Variants in GTF2H3 observed in about 807,000 individuals in gnomAD.
GTF2H3 encodes TFIIH basal transcription factor complex p34 subunit.
A neutral mutation model predicts 51.1 loss-of-function variants in GTF2H3; 42 were observed. The observed-to-expected ratio is 0.82, with a 90% CI of 0.64 to 1.06. The LOEUF (loss-of-function observed/expected upper bound fraction) is 1.06, where lower values mean the gene tolerates loss of function less well. Ranked by LOEUF, GTF2H3 falls within the 50% of genes least tolerant of loss-of-function variation. The probability of loss-of-function intolerance (pLI) is 0.00; values close to 1 mark genes in which losing one functional copy is unlikely to be tolerated. For synonymous variants in GTF2H3, 123 were observed against 123.8 expected (o/e 0.99, Z 0.04); for missense variants, 326 against 366.1 (o/e 0.89, Z 0.89).
At chr12:123,656,559 C>A (rs1202666641) in intron 9 of GTF2H3, among the ~76,000 whole-genome samples, 1 of 152,180 alleles carries the variant, frequency 6.6e-6, no homozygotes, top group Non-Finnish European at 1.5e-5. Flanking sequence ...CTTGCAGAAT[C>A]AGCCGTGTAC....
intron 3 of GTF2H3, among the ~76,000 whole-genome samples, chr12:123,647,171 A>C (rs75902313): frequency 1.3e-5 from 2 of 148,428 alleles, no homozygotes; most frequent in African/African-American, 5.0e-5. Flanking sequence ...AAAAAAAAAA[A>C]AGTCACGAAG....
intron 3 of GTF2H3, among the ~76,000 whole-genome samples, chr12:123,647,402 G>T (rs113572747): frequency 0.01 from 1,594 of 151,946 alleles, 29 homozygotes; most frequent in African/African-American, 0.036. Context: ...AGCCCGGGAG[G>T]TGGAAGTTGC....
Position 123,645,435 on chromosome 12 carries a change from T to A in GTF2H3, c.94-20T>A. 4 of 1,311,014 alleles carry A rather than the reference T, an allele frequency of 3.1e-6. No homozygotes were observed. The highest frequency in any genetic ancestry group is 4.4e-6 in the Non-Finnish European group (4 of 905,252). 81.2% of individuals were successfully genotyped at this position (1,311,014 alleles called of 1,614,324 possible). On this transcript the variant is annotated intron_variant, in intron 2 of 12. Transcript: ENST00000543341. ...TTGGATAGCTAATTTGTTTTTCTAATGTCTTTTTTTTTCCAACAGTTCACT... is the reference window on the plus strand; with the variant it reads ...TTGGATAGCTAATTTGTTTTTCTAAAGTCTTTTTTTTTCCAACAGTTCACT...
chr12:123,658,374 CGCCCAGCTAA>C (rs1955612753), intron 9 of GTF2H3, among the ~76,000 whole-genome samples: 1 of 152,172 alleles, frequency 6.6e-6, no homozygotes, highest in East Asian at 1.9e-4. Flanking sequence ...CCCGCCACTA[CGCCCAGCTAA>C]TTTTTGTATT....
chr12:123,648,261 A>C (rs1955476548), intron 4 of GTF2H3, 135 bp downstream of exon 4: 1 of 602,242 alleles, frequency 1.7e-6, no homozygotes, highest in African/African-American at 1.9e-5. Flanking sequence ...ATTTTCGTCA[A>C]AGTTGGTTCA....
Position 123,645,501 on chromosome 12 carries a change from C to T in GTF2H3, c.140C>T (p.Ser47Leu), listed in dbSNP as rs769858898. The T allele has an allele frequency of 8.7e-6, 14 of 1,609,776 alleles. No homozygotes were observed. Among genetic ancestry groups the T allele is most frequent in the Middle Eastern group, 1.7e-4 (1 of 6,048 alleles). ...CIDAVMVLGN[S>L]HLFMNRSNKL... ...GATGCCGTGATGGTGCTGGGAAATT[C>T]GCATTTATTCATGAATCGTTCCAAC... is the stretch of plus-strand genomic sequence containing the variant. The change falls in exon 3 of 13, where the codon TCG (serine) becomes TTG (leucine). Residue 47 changes from serine to leucine, a missense_variant. Coordinates refer to ENST00000543341, the MANE Select transcript of GTF2H3 (RefSeq NM_001516.5).
intron 9 of GTF2H3, 117 bp downstream of exon 9, chr12:123,655,941 G>T: frequency 3.1e-6 from 2 of 640,026 alleles, no homozygotes; most frequent in African/African-American, 1.9e-5. Context: ...ATGTTATTCA[G>T]CCTAATTTTA....
intron 3 of GTF2H3, 36 bp from the exon 4 acceptor site, chr12:123,647,927 C>T (rs773908995): frequency 1.3e-6 from 2 of 1,572,356 alleles, no homozygotes; most frequent in South Asian, 1.2e-5. Flanking sequence ...GGCGGTGAGG[C>T]CTGGTGTAAC....
At chr12:123,652,662 T>C (rs756539205) in intron 6 of GTF2H3, 45 bp from the exon 7 acceptor site, 1 of 1,535,788 alleles carries the variant, frequency 6.5e-7, no homozygotes, top group South Asian at 1.2e-5. Flanking sequence ...CATATATGAT[T>C]AGTAAGATTT....
intron 5 of GTF2H3, 73 bp from the exon 6 acceptor site, chr12:123,652,459 T>G: frequency 1.2e-6 from 1 of 860,804 alleles, no homozygotes; most frequent in South Asian, 1.6e-5. Flanking sequence ...AATTGGAGGT[T>G]ATTTTTCTTT....
At chr12:123,652,136 T>C (rs1159033528) in intron 5 of GTF2H3, among the ~76,000 whole-genome samples, 1 of 152,202 alleles carries the variant, frequency 6.6e-6, no homozygotes, top group Non-Finnish European at 1.5e-5. Context: ...TTTCTCAGTC[T>C]TATGGCATTA....
At chr12:123,644,268 A>G (rs1370223098) in intron 2 of GTF2H3, among the ~76,000 whole-genome samples, 4 of 152,092 alleles carry the variant, frequency 2.6e-5, no homozygotes, top group Non-Finnish European at 5.9e-5. Flanking sequence ...TGAACATATG[A>G]GTACCAAAAA....
intron 2 of GTF2H3, among the ~76,000 whole-genome samples, chr12:123,642,263 C>T (rs924040846): frequency 1.3e-5 from 2 of 151,714 alleles, no homozygotes; most frequent in African/African-American, 4.8e-5. Flanking sequence ...CTCTCTCTCC[C>T]GAGTTCAAGC....
In GTF2H3 at chr12:123,641,527, G is replaced by GTTTTTTT. The variant is rs112546170; in HGVS notation, c.93+2189_93+2195dup. On this transcript the variant is annotated intron_variant, in intron 2 of 12. Transcript: ENST00000543341. ...AGGCATGAGCCACGTGTCTGCCCCC[G>GTTTTTTT]TTTTTTTTTTTGTGTGTTTTTTTTT... 4.7e-5 allele frequency among the ~76,000 whole-genome samples: 6 copies of GTTTTTTT among 128,544 alleles called. 1 individual carries two copies. Among genetic ancestry groups the GTTTTTTT allele is most frequent in the African/African-American group, 1.7e-4 (5 of 29,326 alleles). 84.3% of individuals were successfully genotyped at this position (128,544 alleles called of 152,430 possible). A position where few individuals can be genotyped will look rare whatever the true frequency, so the allele number is the denominator to read the frequency against.
chr12:123,660,431 C>T lies in GTF2H3; in HGVS notation c.*196C>T, dbSNP rs1281746766. ...ATTTGTTTGAGGGAATCATTCTATG[C>T]ATTATATCCTAAAATATTCTATGAC... is the stretch of plus-strand genomic sequence containing the variant. On this transcript the variant is annotated 3_prime_UTR_variant, in exon 13 of 13. Coordinates refer to ENST00000543341, the MANE Select transcript of GTF2H3 (RefSeq NM_001516.5). The T allele has an allele frequency of 1.3e-5, 6 of 478,368 alleles. No individual in the cohort carries two copies. Among genetic ancestry groups the T allele is most frequent in the Non-Finnish European group, 2.2e-5 (6 of 272,168 alleles). The allele number at this position is 478,368 out of a possible 1,614,324, so 29.6% of individuals were successfully genotyped here. A position where few individuals can be genotyped will look rare whatever the true frequency, so the allele number is the denominator to read the frequency against.
intron 2 of GTF2H3, chr12:123,639,894 C>T (rs1593794406): frequency 2.4e-6 from 1 of 419,286 alleles, no homozygotes; most frequent in Non-Finnish European, 4.7e-6. Context: ...TGTATGCGTG[C>T]GTGCGTGTAT....
rs974166537 is a variant in GTF2H3, at chr12:123,634,819, A to C, written c.13+947A>C. ...TGAGATCAGAGAACCAGCCAGTTTC[A>C]GGTCATGCAGGGCCTTATTGGCCGT... On this transcript the variant is annotated intron_variant, in intron 1 of 12. Transcript: ENST00000543341. 1.6e-4 allele frequency among the ~76,000 whole-genome samples: 25 copies of C among 152,228 alleles called. 1 individual carries two copies. Among genetic ancestry groups the C allele is most frequent in the East Asian group, 1.9e-4 (1 of 5,200 alleles).
intron 2 of GTF2H3, among the ~76,000 whole-genome samples, chr12:123,642,651 T>C (rs945256846): frequency 2.0e-5 from 3 of 152,210 alleles, no homozygotes; most frequent in Non-Finnish European, 4.4e-5. Flanking sequence ...CAGTAAAATA[T>C]AGAGGCTTTG....
At chr12:123,635,941 A>T (rs1004720625) in intron 1 of GTF2H3, among the ~76,000 whole-genome samples, 3 of 152,242 alleles carry the variant, frequency 2.0e-5, no homozygotes, top group African/African-American at 7.2e-5. Flanking sequence ...CTGTCTTTAG[A>T]ACAGGGCTTT....
Sources: gnomAD v4.1 joint callset for allele counts (sites outside exome capture counted in the v4.1 genomes callset) on GRCh38, gnomAD v4.1.1 for gene constraint, MANE v1.5 for transcripts, NCBI Gene and HGNC (gene_info 2026-07-23, HGNC 2026-07-21) for gene names.